GSDME: variants seen among roughly 807,000 people sequenced by gnomAD.
The protein encoded by GSDME is gasdermin-E.
Under a neutral mutation model 47.5 loss-of-function variants are expected in GSDME, and 44 were observed. The observed-to-expected ratio is 0.93, with a 90% CI of 0.73 to 1.19. The LOEUF is 1.19. GSDME is among the 50% of genes most tolerant of loss of function. The probability of loss-of-function intolerance (pLI) is 0.00; values close to 1 mark genes in which losing one functional copy is unlikely to be tolerated. For missense variants in GSDME, 663 were observed against 604.2 expected, an observed-to-expected ratio of 1.10 and a Z score of -1.02; for synonymous variants, 258 against 252.8, an observed-to-expected ratio of 1.02 and a Z score of -0.20.
chr7:24,721,377 G>T lies in GSDME; in HGVS notation c.405-2159C>A, dbSNP rs1238956763. The stretch of plus-strand genomic sequence containing the variant: ...ATACATTGATGACAACCACAAAGCT[G>T]CCGAGAGACTCCATTTCCAGGAAGG... On this transcript the variant is annotated intron_variant, in intron 3 of 9. Coordinates refer to ENST00000645220, the MANE Select transcript of GSDME (RefSeq NM_001127453.2). This position sits in a 1 kb window ranked among gnomAD's most constrained non-coding sequence, Gnocchi z 4.1. Among the ~76,000 whole-genome samples the T allele has an allele frequency of 1.3e-5, 2 of 152,194 alleles. No homozygotes were observed. The highest frequency in any genetic ancestry group is 2.9e-5 in the Non-Finnish European group (2 of 68,038).
At chr7:24,783,567 T>G in the GSDME span, among the ~76,000 whole-genome samples, 4 of 152,018 alleles carry the variant, frequency 2.6e-5, no homozygotes, top group African/African-American at 9.7e-5. Flanking sequence ...CGCTGAGGTG[T>G]TTGGAGCAGA....
chr7:24,708,215 T>A lies in GSDME; in HGVS notation c.902A>T (p.Glu301Val). 1.2e-6 allele frequency: 2 copies of A among 1,614,110 alleles called. No homozygotes were observed. Among genetic ancestry groups the A allele is most frequent in the Non-Finnish European group, 1.7e-6 (2 of 1,180,022 alleles). ...AGCTGTCTGTTGTGGCTCAGGCAGC[T>A]CCGCAAATGGATGGAAATTCCTCTC... is the stretch of plus-strand genomic sequence containing the variant. ...LLERNFHPFA[E>V]LPEPQQTALS... The change falls in exon 7 of 10, where the codon GAG becomes GTG. Residue 301 changes from glutamate to valine, a missense_variant. Coordinates refer to ENST00000645220, the MANE Select transcript of GSDME (RefSeq NM_001127453.2).
In GSDME at chr7:24,736,630, A is replaced by G. The variant is rs1395821488; in HGVS notation, c.404+7932T>C. On this transcript the variant is annotated intron_variant, in intron 3 of 9. Transcript: ENST00000645220. This position sits in a 1 kb window ranked among gnomAD's most constrained non-coding sequence, Gnocchi z 4.6. ...CAGATCATCCAGACAGAAAATCAAC[A>G]TCAGACTTAATCTGCACTACAGACC... Among the ~76,000 whole-genome samples the G allele has an allele frequency of 1.3e-5, 2 of 152,206 alleles. No individual in the cohort carries two copies.
rs756811247 is a variant in GSDME at position 24,717,242 on chromosome 7, G to A, written c.697+12C>T. On this transcript the variant is annotated intron_variant, in intron 5 of 9. Transcript: ENST00000645220. Reference sequence around the variant, plus strand: ...TGGGGATCCCTCAGCACCCATAGGAGGTGGCACTCACCGAACTGGCCGTCC... The same window carrying A: ...TGGGGATCCCTCAGCACCCATAGGAAGTGGCACTCACCGAACTGGCCGTCC... The A allele has an allele frequency of 2.1e-6, 3 of 1,446,642 alleles. No homozygotes were observed. Among genetic ancestry groups the A allele is most frequent in the Non-Finnish European group, 2.8e-6 (3 of 1,068,906 alleles). 89.6% of individuals were successfully genotyped at this position (1,446,642 alleles called of 1,614,324 possible). A position where few individuals can be genotyped will look rare whatever the true frequency, so the allele number is the denominator to read the frequency against.
upstream of GSDME, among the ~76,000 whole-genome samples, chr7:24,759,767 T>C (rs769755152): frequency 6.6e-5 from 10 of 152,162 alleles, no homozygotes; most frequent in Non-Finnish European, 1.0e-4. Context: ...ATGGTCTGTG[T>C]TGGGAGAGAG....
At chr7:24,767,577 T>C in the GSDME span, among the ~76,000 whole-genome samples, 1 of 151,930 alleles carries the variant, frequency 6.6e-6, no homozygotes, top group Middle Eastern at 3.2e-3. This position sits in a 1 kb window ranked among gnomAD's most constrained non-coding sequence, Gnocchi z 5.3. Context: ...TTGGGTAGCA[T>C]GGCTTTGGCT....
chr7:24,739,368 T>G lies in GSDME; in HGVS notation c.404+5194A>C, dbSNP rs1321998378. On this transcript the variant is annotated intron_variant, in intron 3 of 9. Coordinates refer to ENST00000645220, the MANE Select transcript of GSDME (RefSeq NM_001127453.2). This position sits in a 1 kb window ranked among gnomAD's most constrained non-coding sequence, Gnocchi z 5.1. ...GACATACAAATGTCAGACAGGCATA[T>G]GAAAATGTGCTCAACATCATTGATC... is the stretch of plus-strand genomic sequence containing the variant. Among the ~76,000 whole-genome samples, 1 of 152,190 alleles carries G rather than the reference T, an allele frequency of 6.6e-6. No homozygotes were observed. Among genetic ancestry groups the G allele is most frequent in the Non-Finnish European group, 1.5e-5 (1 of 68,028 alleles).
the GSDME span, among the ~76,000 whole-genome samples, chr7:24,771,768 G>A: frequency 2.6e-5 from 4 of 152,124 alleles, no homozygotes; most frequent in Non-Finnish European, 5.9e-5. The surrounding 1 kb of genome is among the most constrained non-coding windows in gnomAD (Gnocchi z 4.1). Flanking sequence ...AACTGCTCCC[G>A]TACCTGCCTG....
the GSDME span, among the ~76,000 whole-genome samples, chr7:24,793,784 C>CT: frequency 3.0e-3 from 421 of 142,286 alleles, 1 homozygote; most frequent in Middle Eastern, 0.019. Context: ...CCCCCCTTTT[C>CT]TTTTTTTTTT....
intron 9 of GSDME, among the ~76,000 whole-genome samples, chr7:24,700,797 A>G (rs1788833598): frequency 6.6e-6 from 1 of 152,220 alleles, no homozygotes; most frequent in Non-Finnish European, 1.5e-5. Flanking sequence ...CCAGTGAATT[A>G]AGGAGGAGCC....
At position 24,712,555 on chromosome 7, in the gene GSDME, G is replaced by A. The variant is rs544688581; in HGVS notation, c.698-2167C>T. On this transcript the variant is annotated intron_variant, in intron 5 of 9. Transcript: ENST00000645220. The surrounding 1 kb of genome is among the most constrained non-coding windows in gnomAD (Gnocchi z 4.4). ...CCCTATACCAGGCCCCGTGCTCACA[G>A]CCACAGATACAAAGGACTACAACCA... Among the ~76,000 whole-genome samples, 1 of 152,320 alleles carries A rather than the reference G, an allele frequency of 6.6e-6. No individual in the cohort carries two copies. Among genetic ancestry groups the A allele is most frequent in the Non-Finnish European group, 1.5e-5 (1 of 68,028 alleles).
At chr7:24,752,902 T>C (rs1790900644) in intron 1 of GSDME, among the ~76,000 whole-genome samples, 1 of 152,154 alleles carries the variant, frequency 6.6e-6, no homozygotes, top group Non-Finnish European at 1.5e-5. Context: ...ACCCATCTGC[T>C]GTGGGTGGGA....
At chr7:24,766,273 C>T in the GSDME span, among the ~76,000 whole-genome samples, 1 of 150,510 alleles carries the variant, frequency 6.6e-6, no homozygotes, top group South Asian at 2.1e-4. The surrounding 1 kb of genome is among the most constrained non-coding windows in gnomAD (Gnocchi z 4.2). Context: ...TTAATAAAAT[C>T]CAGACCCTGC....
intron 8 of GSDME, chr7:24,703,842 T>TA (rs1788984320): frequency 2.0e-5 from 3 of 152,234 alleles, no homozygotes; most frequent in African/African-American, 7.2e-5. Flanking sequence ...AGTAGTCTCT[T>TA]ACCCCAAAGC....
At position 24,728,930 on chromosome 7, in the gene GSDME, G is replaced by A. The variant is rs1790055276; in HGVS notation, c.405-9712C>T. Among the ~76,000 whole-genome samples, 1 of 152,214 alleles carries A rather than the reference G, an allele frequency of 6.6e-6. No individual in the cohort carries two copies. Among genetic ancestry groups the A allele is most frequent in the African/African-American group, 2.4e-5 (1 of 41,456 alleles). Reference sequence around the variant, plus strand: ...TGACTTCAGGATTGTAAAATGCTGGGAAAATCAAAATTGGGGCAGAATGCT... The same window carrying A: ...TGACTTCAGGATTGTAAAATGCTGGAAAAATCAAAATTGGGGCAGAATGCT... On this transcript the variant is annotated intron_variant, in intron 3 of 9. Transcript: ENST00000645220. This position sits in a 1 kb window ranked among gnomAD's most constrained non-coding sequence, Gnocchi z 7.2.
At chr7:24,782,339 AG>A in the GSDME span, among the ~76,000 whole-genome samples, 5 of 151,622 alleles carry the variant, frequency 3.3e-5, no homozygotes, top group Non-Finnish European at 7.4e-5. Flanking sequence ...TCCTTGCGAT[AG>A]TTTGCTCAGA....
rs1458074767 is a variant in GSDME at position 24,725,292 on chromosome 7, G to A, written c.405-6074C>T. Among the ~76,000 whole-genome samples the A allele has an allele frequency of 2.0e-5, 3 of 152,290 alleles. No homozygotes were observed. The highest frequency in any genetic ancestry group is 7.2e-5 in the African/African-American group (3 of 41,556). Reference sequence around the variant, plus strand: ...TGACCCACACTCTACCCAGCAGATGGCAGGGGCTCTGTAAATGTTTTTTTC... The same window carrying A: ...TGACCCACACTCTACCCAGCAGATGACAGGGGCTCTGTAAATGTTTTTTTC... On this transcript the variant is annotated intron_variant, in intron 3 of 9. Coordinates refer to ENST00000645220, the MANE Select transcript of GSDME (RefSeq NM_001127453.2). The surrounding 1 kb of genome is among the most constrained non-coding windows in gnomAD (Gnocchi z 5.1).
chr7:24,713,529 G>A (rs1259603015), intron 5 of GSDME, among the ~76,000 whole-genome samples: 1 of 152,258 alleles, frequency 6.6e-6, no homozygotes, highest in Non-Finnish European at 1.5e-5. Context: ...AAGAGGCAGA[G>A]AGCACGCCCA....
At chr7:24,711,204 A>G (rs994797317) in intron 5 of GSDME, among the ~76,000 whole-genome samples, 2 of 152,164 alleles carry the variant, frequency 1.3e-5, no homozygotes, top group African/African-American at 2.4e-5. Flanking sequence ...GGAAATGTCC[A>G]TAATAAAAAG....
Sources: allele counts gnomAD v4.1 joint callset (sites outside exome capture counted in the v4.1 genomes callset), GRCh38; gene constraint gnomAD v4.1.1; non-coding constraint Gnocchi (gnomAD v3.1); transcripts MANE v1.5; gene names NCBI Gene and HGNC (gene_info 2026-07-23, HGNC 2026-07-21).